Variants in BICDL2 observed in about 807,000 individuals in gnomAD.
BICDL2 encodes the protein BICD family-like cargo adapter 2.
Under a neutral mutation model 56.6 loss-of-function variants are expected in BICDL2, and 62 were observed. That is an observed-to-expected ratio of 1.10 (90% CI 0.89 to 1.35). The LOEUF (loss-of-function observed/expected upper bound fraction) is 1.35. Ranked by LOEUF, BICDL2 falls within the 40% of genes most tolerant of loss-of-function variation. BICDL2 has a pLI of 0.00. For missense variants in BICDL2, 808 were observed against 684.5 expected (o/e 1.18, Z -2.01); for synonymous variants, 358 against 319.8 (o/e 1.12, Z -1.27).
In BICDL2 at chr16:3,030,652, G is replaced by T. The variant is rs1955639410; in HGVS notation, c.615+44C>A. The T allele has an allele frequency of 1.9e-6, 3 of 1,594,670 alleles. No homozygotes were observed. The East Asian group carries it at 6.8e-5, about 36-fold the overall frequency. On this transcript the variant is annotated intron_variant, in intron 4 of 9. Transcript: ENST00000572449. ...GCAGCCCCTCCCAGCCCTCAGCCCGGCTTTTTTGGCTCAGATAATCCCCCA... is the reference window on the plus strand; with the variant it reads ...GCAGCCCCTCCCAGCCCTCAGCCCGTCTTTTTTGGCTCAGATAATCCCCCA...
chr16:3,032,156 A>G (rs2526280), intron 2 of BICDL2: 84,299 of 152,012 alleles, frequency 0.55, 23,819 homozygotes, highest in Non-Finnish European at 0.61. Flanking sequence ...CTGGTCCTGA[A>G]CTCCTGGCCT....
chr16:3,032,008 G>A (rs1031450132), intron 2 of BICDL2: 6 of 152,246 alleles, frequency 3.9e-5, no homozygotes, highest in African/African-American at 9.7e-5. Context: ...CTCAGCTCAC[G>A]GCAATGTCCG....
chr16:3,029,970 C>G, intron 5 of BICDL2: 1 of 536,124 alleles, frequency 1.9e-6, no homozygotes, highest in South Asian at 2.6e-5. Flanking sequence ...CCCATCTCCT[C>G]CCCTGCCCAG....
chr16:3,031,212 G>T, intron 2 of BICDL2, 62 bp from the exon 3 acceptor site: 1 of 1,409,132 alleles, frequency 7.1e-7, no homozygotes, highest in Non-Finnish European at 9.6e-7. Context: ...GGCAGGCACA[G>T]AGAGATGGCG....
intron 2 of BICDL2, chr16:3,031,848 C>T (rs1944600865): frequency 3.6e-6 from 1 of 279,268 alleles, no homozygotes; most frequent in African/African-American, 2.2e-5. Context: ...CACTAACGTC[C>T]TGGGTTTACA....
At chr16:3,032,280 A>C (rs1263257706) in intron 2 of BICDL2, 1 of 152,282 alleles carries the variant, frequency 6.6e-6, no homozygotes, top group Admixed American at 6.5e-5. Flanking sequence ...CAGGCAGCAG[A>C]ACTCTTAACC....
At chr16:3,035,954 C>T (rs1003085292) in intron 1 of BICDL2, 1 of 309,252 alleles carries the variant, frequency 3.2e-6, no homozygotes, top group Non-Finnish European at 6.3e-6. Context: ...AATGCAGGAC[C>T]CTAAGGCTTG....
Position 3,029,662 on chromosome 16 carries a change from C to T in BICDL2, c.840G>A (p.Glu280=), listed in dbSNP as rs761353704. 4 of 1,537,400 alleles carry T rather than the reference C, an allele frequency of 2.6e-6. No homozygotes were observed. The highest frequency in any genetic ancestry group is 3.5e-6 in the Non-Finnish European group (4 of 1,147,056). Residue 280 remains glutamate (E), a synonymous_variant, in exon 6 of 10, where the codon GAG becomes GAA. Transcript: ENST00000572449. The part of the protein sequence containing the change: ...RRLQRRVSEL[E]EESRLQDADV... ...CGGCGTCCTGGAGGCGTGACTCCTC[C>T]TCCAGCTCGGAGACGCGCCGCTGCA...
At position 3,030,726 on chromosome 16, in the gene BICDL2, C is replaced by T. The variant is rs370819877; in HGVS notation, c.585G>A (p.Leu195=). The T allele has an allele frequency of 5.6e-6, 9 of 1,612,478 alleles. No homozygotes were observed. In the African/African-American group the frequency reaches 8.0e-5, roughly 14 times the overall value. Residue 195 remains leucine (L), a synonymous_variant, in exon 4 of 10, where the codon CTG becomes CTA. Transcript: ENST00000572449. ...CQAQALAGAE[L]RTRLESLQGE... is the part of the protein sequence containing the mutation. Reference sequence around the variant, plus strand: ...CCTGCAGACTCTCCAGCCGCGTCCTCAGCTCTGCTCCAGCCAGTGCCTGAG... The same window carrying T: ...CCTGCAGACTCTCCAGCCGCGTCCTTAGCTCTGCTCCAGCCAGTGCCTGAG...
At chr16:3,031,463 G>T in intron 2 of BICDL2, 1 of 538,564 alleles carries the variant, frequency 1.9e-6, no homozygotes, top group Non-Finnish European at 3.3e-6. Context: ...CGTTTTTGGC[G>T]CCTGAGTCTG....
At chr16:3,036,854 G>A (rs1955740081) in intron 1 of BICDL2, 40 bp downstream of exon 1, 6 of 300,730 alleles carry the variant, frequency 2.0e-5, no homozygotes, top group South Asian at 1.5e-4. Context: ...CCCTCCCCAG[G>A]CTCGAGGGGC....
At chr16:3,036,829 C>A (rs1955739769) in intron 1 of BICDL2, 65 bp downstream of exon 1, 1 of 326,696 alleles carries the variant, frequency 3.1e-6, no homozygotes, top group Non-Finnish European at 5.9e-6. Context: ...TCTCCGCCGA[C>A]GCGGCCGGAC....
At chr16:3,035,820 CTG>C in intron 1 of BICDL2, 2 of 407,850 alleles carry the variant, frequency 4.9e-6, no homozygotes, top group South Asian at 6.0e-5. Flanking sequence ...CCTCTGCTCC[CTG>C]TCCCCTCTCT....
At position 3,029,551 on chromosome 16, in the gene BICDL2, G is replaced by A. The variant is rs1955619887; in HGVS notation, c.951C>T (p.Asp317=). 1.9e-6 allele frequency: 3 copies of A among 1,550,834 alleles called. No individual in the cohort carries two copies. The highest frequency in any genetic ancestry group is 4.8e-5 in the East Asian group (2 of 42,012). Residue 317 remains aspartate (D), a synonymous_variant, in exon 6 of 10, where the codon GAC becomes GAT. Transcript: ENST00000572449. ...TGGGGCCCCACGAGCTCACCGGGGT[G>A]TCTCCGGGTGCGTCGGCGCCCTGGC... ...DQGQGADAPG[D]TPTTRSPKTR...
chr16:3,035,519 A>G lies in BICDL2; in HGVS notation c.-23T>C. ...CATGTCACCTGCAGCATCTGCGGGG[A>G]CAGGTGGCTGCGGGACACTCTACTC... is the stretch of plus-strand genomic sequence containing the variant. On this transcript the variant is annotated 5_prime_UTR_variant, in exon 2 of 10. Coordinates refer to ENST00000572449, the MANE Select transcript of BICDL2 (RefSeq NM_001369667.1). The G allele has an allele frequency of 6.3e-7, 1 of 1,593,398 alleles. No individual in the cohort carries two copies. The highest frequency in any genetic ancestry group is 8.5e-7 in the Non-Finnish European group (1 of 1,171,000).
chr16:3,036,611 CCCG>C (rs1398221764), intron 1 of BICDL2: 2 of 451,044 alleles, frequency 4.4e-6, no homozygotes, highest in Admixed American at 4.8e-5. Context: ...GCCCCGCTCC[CCCG>C]CCCCCCTCCA....
In BICDL2 at chr16:3,028,293, G is replaced by T; in HGVS notation, c.1360-20C>A. On this transcript the variant is annotated intron_variant, in intron 9 of 9. Transcript: ENST00000572449. ...GTCGTCCTGCGGGAGGCCGTGGTCG[G>T]CTCAGCGCCGGTCCCGCCCCTTGCC... The T allele has an allele frequency of 1.3e-6, 2 of 1,524,798 alleles. No individual in the cohort carries two copies. Among genetic ancestry groups the T allele is most frequent in the South Asian group, 2.5e-5 (2 of 80,606 alleles). 94.5% of individuals were successfully genotyped at this position (1,524,798 alleles called of 1,614,324 possible).
At position 3,029,624 on chromosome 16, in the gene BICDL2, G is replaced by A; in HGVS notation, c.878C>T (p.Ala293Val). Residue 293 changes from alanine to valine, a missense_variant, in exon 6 of 10, where the codon GCC (alanine) becomes GTC (valine). Coordinates refer to ENST00000572449, the MANE Select transcript of BICDL2 (RefSeq NM_001369667.1). Reference protein sequence around the residue: ...SRLQDADVSAASLQSELAHSL... With the variant: ...SRLQDADVSAVSLQSELAHSL... ...GTGGGCCAGTTCTGACTGCAACGAG[G>A]CAGCCGACACGTCGGCGTCCTGGAG... 1.4e-5 allele frequency: 22 copies of A among 1,536,988 alleles called. No homozygotes were observed. Among genetic ancestry groups the A allele is most frequent in the East Asian group, 2.4e-5 (1 of 40,974 alleles).
At chr16:3,028,534 G>T (rs956871564) in intron 8 of BICDL2, 66 bp from the exon 9 acceptor site, 11 of 1,547,416 alleles carry the variant, frequency 7.1e-6, no homozygotes, top group Non-Finnish European at 9.5e-6. Context: ...GGGTGGCGGG[G>T]GACTTCTGTA....
Sources: allele counts gnomAD v4.1 joint callset, GRCh38; gene constraint gnomAD v4.1.1; transcripts MANE v1.5; gene names NCBI Gene and HGNC (gene_info 2026-07-23, HGNC 2026-07-21).